C1orf21: variants seen among roughly 807,000 people sequenced by gnomAD.
The protein encoded by C1orf21 is chromosome 1 open reading frame 21.
Under a neutral mutation model 18.7 loss-of-function variants are expected in C1orf21, and 3 were observed. That is an observed-to-expected ratio of 0.16 (90% CI 0.07 to 0.42). The LOEUF (loss-of-function observed/expected upper bound fraction) is 0.42, where lower values mean the gene tolerates loss of function less well. Ranked by LOEUF, C1orf21 falls within the 10% of genes least tolerant of loss-of-function variation. The pLI is 0.99. For synonymous variants in C1orf21, 41 were observed against 46.4 expected (o/e 0.88, Z 0.47); for missense variants, 104 against 143.6 (o/e 0.72, Z 1.41).
At chr1:184,439,229 C>A (rs1483824811) in intron 1 of C1orf21, among the ~76,000 whole-genome samples, 1 of 151,846 alleles carries the variant, frequency 6.6e-6, no homozygotes, top group African/African-American at 2.4e-5. Flanking sequence ...AAACCAAAAC[C>A]AAAACAAAAC....
chr1:184,566,903 C>G, intron 3 of C1orf21: 1 of 507,472 alleles, frequency 2.0e-6, no homozygotes. Context: ...GCTGTATTGT[C>G]TTCTCCATCC....
intron 1 of C1orf21, among the ~76,000 whole-genome samples, chr1:184,454,185 A>G (rs984912413): frequency 3.9e-5 from 6 of 152,200 alleles, no homozygotes; most frequent in African/African-American, 1.4e-4. Flanking sequence ...AAGGATAGCA[A>G]TATTTCAAGT....
intron 1 of C1orf21, among the ~76,000 whole-genome samples, chr1:184,451,546 C>T (rs1657123498): frequency 6.9e-6 from 1 of 144,772 alleles, no homozygotes; most frequent in African/African-American, 2.6e-5. Flanking sequence ...CTCAAGTGAT[C>T]CTCCCATCTC....
At chr1:184,507,822 A>G in intron 3 of C1orf21, 140 bp downstream of exon 3, 1 of 651,260 alleles carries the variant, frequency 1.5e-6, no homozygotes. Flanking sequence ...CTTGCCTGGA[A>G]GCTGCACCAT....
chr1:184,551,668 G>T (rs531611948), intron 3 of C1orf21, among the ~76,000 whole-genome samples: 118 of 152,284 alleles, frequency 7.7e-4, no homozygotes, highest in African/African-American at 2.8e-3. Flanking sequence ...TGGCAAGAGG[G>T]TGGATCCATC....
chr1:184,463,360 A>T (rs1046425057), intron 1 of C1orf21, among the ~76,000 whole-genome samples: 2 of 152,128 alleles, frequency 1.3e-5, no homozygotes, highest in African/African-American at 4.8e-5. Context: ...TCATATGGAC[A>T]AAAGTTTCTA....
At chr1:184,548,007 C>A (rs1340821371) in intron 3 of C1orf21, among the ~76,000 whole-genome samples, 1 of 152,148 alleles carries the variant, frequency 6.6e-6, no homozygotes, top group Non-Finnish European at 1.5e-5. Context: ...TCCTCCTGAC[C>A]ATAGCAGAGG....
chr1:184,507,002 G>A (rs925647129), intron 2 of C1orf21, among the ~76,000 whole-genome samples: 4 of 150,108 alleles, frequency 2.7e-5, no homozygotes, highest in African/African-American at 9.7e-5. Context: ...ATATATATAT[G>A]AAATAAATAT....
chr1:184,524,632 T>G (rs959086978), intron 3 of C1orf21, among the ~76,000 whole-genome samples: 3 of 151,850 alleles, frequency 2.0e-5, no homozygotes, highest in East Asian at 1.9e-4. Context: ...AGAACTAGGG[T>G]TTTTTTTAAT....
Position 184,609,403 on chromosome 1 carries a change from G to A in C1orf21, c.328-10115G>A, listed in dbSNP as rs6686228. The stretch of plus-strand genomic sequence containing the variant: ...CATCCAAGTTCAACATAAATTCTAG[G>A]GTGTATGTGGAACAGAGAGCTCTTT... On this transcript the variant is annotated intron_variant, in intron 5 of 5. Transcript: ENST00000235307. Among the ~76,000 whole-genome samples, 1,386 of 152,288 alleles carry A rather than the reference G, an allele frequency of 9.1e-3. 15 individuals are homozygous for A. Among genetic ancestry groups the A allele is most frequent in the African/African-American group, 0.031 (1,281 of 41,536 alleles).
chr1:184,465,383 C>G (rs1307035027), intron 1 of C1orf21, among the ~76,000 whole-genome samples: 6 of 151,586 alleles, frequency 4.0e-5, no homozygotes, highest in African/African-American at 1.5e-4. Flanking sequence ...TTCAAAAAAG[C>G]AAAAAACAAA....
chr1:184,594,540 A>C (rs1048821905), intron 4 of C1orf21, among the ~76,000 whole-genome samples: 1 of 152,328 alleles, frequency 6.6e-6, no homozygotes, highest in African/African-American at 2.4e-5. Context: ...GGGGAGACTA[A>C]AGGAAGAAAG....
At chr1:184,590,016 T>A (rs1016755141) in intron 3 of C1orf21, among the ~76,000 whole-genome samples, 4 of 152,152 alleles carry the variant, frequency 2.6e-5, no homozygotes, top group African/African-American at 9.7e-5. Flanking sequence ...ATTTCAGGGG[T>A]ATGTTTTGTG....
rs573427053 is a variant in C1orf21, at chr1:184,437,533, C to T, written c.-124-39853C>T. On this transcript the variant is annotated intron_variant, in intron 1 of 5. Transcript: ENST00000235307. ...TACGCAGCAGTAAGGTCAAGGTGGG[C>T]AGGAGGCGTGGAGGTGTCAGGTTGT... Among the ~76,000 whole-genome samples the T allele has an allele frequency of 1.2e-4, 18 of 152,120 alleles. No individual in the cohort carries two copies. In the South Asian group the frequency reaches 3.7e-3, roughly 32 times the overall value.
chr1:184,554,178 C>T (rs1016877426), intron 3 of C1orf21, among the ~76,000 whole-genome samples: 3 of 152,200 alleles, frequency 2.0e-5, no homozygotes, highest in Admixed American at 2.0e-4. Flanking sequence ...GTAATGAGTT[C>T]TGTGATGTCT....
intron 1 of C1orf21, among the ~76,000 whole-genome samples, chr1:184,447,365 G>A (rs1464513426): frequency 6.6e-6 from 1 of 152,176 alleles, no homozygotes; most frequent in African/African-American, 2.4e-5. Context: ...ATTCAAGAAT[G>A]TTACAGACAG....
intron 4 of C1orf21, among the ~76,000 whole-genome samples, chr1:184,591,659 A>T (rs893200889): frequency 6.6e-6 from 1 of 151,890 alleles, no homozygotes; most frequent in Non-Finnish European, 1.5e-5. Context: ...ACAAAAACTT[A>T]GCCGGGCATG....
chr1:184,567,663 T>C (rs1659053206), intron 3 of C1orf21: 1 of 399,334 alleles, frequency 2.5e-6, no homozygotes, highest in Admixed American at 3.2e-5. Context: ...TCACCAGCTT[T>C]GAGTTTCATA....
At chr1:184,460,663 T>TCTC (rs1557977828) in intron 1 of C1orf21, among the ~76,000 whole-genome samples, 3 of 147,960 alleles carry the variant, frequency 2.0e-5, no homozygotes, top group African/African-American at 7.5e-5. Context: ...TTCTTCTTCT[T>TCTC]CTTCTTCTTC....
Sources: allele counts gnomAD v4.1 joint callset (sites outside exome capture counted in the v4.1 genomes callset), GRCh38; gene constraint gnomAD v4.1.1; transcripts MANE v1.5; gene names NCBI Gene and HGNC (gene_info 2026-07-23, HGNC 2026-07-21).